SNX29: variants seen among roughly 807,000 people sequenced by gnomAD.
SNX29 encodes the protein sorting nexin 29.
Under a neutral mutation model 102.1 loss-of-function variants are expected in SNX29, and 78 were observed. That is an observed-to-expected ratio of 0.76 (90% CI 0.64 to 0.92). SNX29 has a LOEUF of 0.92. Among genes scored for constraint, SNX29 ranks in the 40% least tolerant of loss-of-function variants. The pLI is 0.00. For synonymous variants in SNX29, 580 were observed against 414.5 expected (o/e 1.40, Z -4.85); for missense variants, 1,280 against 1,061.7 (o/e 1.21, Z -2.86).
rs952215737 is a variant in SNX29, at chr16:12,570,315, G to A, written c.*1686G>A. 4.0e-6 allele frequency: 4 copies of A among 992,326 alleles called. No homozygotes were observed. The highest frequency in any genetic ancestry group is 1.7e-5 in the African/African-American group (1 of 59,716). The allele number at this position is 992,326 out of a possible 1,614,324, so 61.5% of individuals were successfully genotyped here. The stretch of plus-strand genomic sequence containing the variant: ...GAGTGTGGAGGACCCGAGACATCCT[G>A]TAAAGGCAACTTGGTCTCCCTCCCA... On this transcript the variant is annotated 3_prime_UTR_variant, in exon 21 of 21. Transcript: ENST00000566228.
In SNX29 at chr16:12,566,713, T is replaced by G. The variant is rs558089266; in HGVS notation, c.2319-1793T>G. On this transcript the variant is annotated intron_variant, in intron 20 of 20. Coordinates refer to ENST00000566228, the MANE Select transcript of SNX29 (RefSeq NM_032167.5). ...TTCGTAAGTGGGGTCCCCCATCCTT[T>G]GAAGAGAGGATCATGTTTGCTTTGG... 6.3e-4 allele frequency among the ~76,000 whole-genome samples: 96 copies of G among 152,080 alleles called. 1 individual carries two copies. The highest frequency in any genetic ancestry group is 2.2e-3 in the African/African-American group (91 of 41,476).
chr16:12,088,205 G>A (rs552731548), intron 11 of SNX29: 175 of 439,816 alleles, frequency 4.0e-4, no homozygotes, highest in Non-Finnish European at 6.9e-4. Context: ...GACAGGAGAG[G>A]CAGGAACAGA....
chr16:12,312,422 G>GT (rs1307966530), intron 15 of SNX29, among the ~76,000 whole-genome samples: 5 of 152,316 alleles, frequency 3.3e-5, no homozygotes, highest in Admixed American at 6.5e-5. Context: ...TGGGCCATTG[G>GT]TGAGAGTGAG....
intron 16 of SNX29, chr16:12,375,801 G>A (rs1271406253): frequency 6.6e-6 from 1 of 152,268 alleles, no homozygotes; most frequent in African/African-American, 2.4e-5. Context: ...GGGAGGCTAA[G>A]GTGGGGGTGC....
chr16:12,196,265 A>G (rs1447985832), intron 13 of SNX29, among the ~76,000 whole-genome samples: 1 of 152,002 alleles, frequency 6.6e-6, no homozygotes, highest in Non-Finnish European at 1.5e-5. Context: ...CCTGGTCTTC[A>G]GTTTTTTCAT....
At chr16:12,477,471 T>C (rs1244466610) in intron 18 of SNX29, among the ~76,000 whole-genome samples, 1 of 152,202 alleles carries the variant, frequency 6.6e-6, no homozygotes, top group Non-Finnish European at 1.5e-5. Flanking sequence ...GGATCTCTGT[T>C]GATGTTGGGA....
intron 1 of SNX29, among the ~76,000 whole-genome samples, chr16:11,978,963 C>G (rs370978870): frequency 2.3e-4 from 35 of 151,438 alleles, no homozygotes; most frequent in African/African-American, 8.5e-4. Context: ...AGAAAGAAAA[C>G]TTTAAAATTT....
chr16:12,181,846 C>T (rs1199870790), intron 13 of SNX29, among the ~76,000 whole-genome samples: 1 of 151,440 alleles, frequency 6.6e-6, no homozygotes, highest in African/African-American at 2.4e-5. Flanking sequence ...TACCTTGTCA[C>T]CTAGCGTTGT....
chr16:12,072,789 A>C (rs971073129), intron 10 of SNX29, among the ~76,000 whole-genome samples: 6 of 152,104 alleles, frequency 3.9e-5, no homozygotes, highest in African/African-American at 1.4e-4. Flanking sequence ...CTGTGAATCC[A>C]TCTGGTCCTG....
At chr16:12,542,927 A>G (rs953924988) in intron 20 of SNX29, among the ~76,000 whole-genome samples, 2 of 152,144 alleles carry the variant, frequency 1.3e-5, no homozygotes, top group African/African-American at 4.8e-5. Flanking sequence ...TAGCAAAACT[A>G]TAGAGCCCTA....
chr16:12,075,792 G>A (rs2051534215), intron 10 of SNX29, among the ~76,000 whole-genome samples: 1 of 152,240 alleles, frequency 6.6e-6, no homozygotes, highest in African/African-American at 2.4e-5. Context: ...AGGCAGGCAG[G>A]CCTCCTTGAG....
At chr16:12,106,185 A>T (rs1376806805) in intron 11 of SNX29, among the ~76,000 whole-genome samples, 1 of 152,178 alleles carries the variant, frequency 6.6e-6, no homozygotes, top group Non-Finnish European at 1.5e-5. Flanking sequence ...GTGTGGGCTG[A>T]GGGAGGGACT....
At chr16:12,538,872 GC>G (rs1248027743) in intron 20 of SNX29, among the ~76,000 whole-genome samples, 2 of 151,172 alleles carry the variant, frequency 1.3e-5, no homozygotes, top group Non-Finnish European at 2.9e-5. Context: ...GGTAGATGGG[GC>G]CATTTGTACA....
intron 15 of SNX29, among the ~76,000 whole-genome samples, chr16:12,307,075 CCT>C (rs1190702060): frequency 1.3e-5 from 2 of 151,726 alleles, no homozygotes; most frequent in East Asian, 1.9e-4. Context: ...CTCCTCTGAA[CCT>C]CTGTTTCCTT....
chr16:12,214,113 T>C (rs755211768), intron 14 of SNX29, among the ~76,000 whole-genome samples: 25 of 146,718 alleles, frequency 1.7e-4, no homozygotes, highest in Non-Finnish European at 3.2e-4. Context: ...AACGTTTTAT[T>C]TGTTCGACCT....
intron 11 of SNX29, among the ~76,000 whole-genome samples, chr16:12,113,613 C>G (rs2053579888): frequency 6.6e-6 from 1 of 152,204 alleles, no homozygotes; most frequent in Non-Finnish European, 1.5e-5. Context: ...GCTCCGCATC[C>G]TCATTATTTA....
Position 12,400,910 on chromosome 16 carries a change from C to G in SNX29, c.1955+2409C>G, listed in dbSNP as rs914495458. Among the ~76,000 whole-genome samples the G allele has an allele frequency of 3.9e-5, 6 of 152,312 alleles. No individual in the cohort carries two copies. The South Asian group carries it at 6.2e-4, about 16-fold the overall frequency. On this transcript the variant is annotated intron_variant, in intron 17 of 20. Transcript: ENST00000566228. ...CTATCTCTGCTCACTGCAAGCTCCGCCTCCTGGGTTCATGCCATTCTCCTG... is the reference window on the plus strand; with the variant it reads ...CTATCTCTGCTCACTGCAAGCTCCGGCTCCTGGGTTCATGCCATTCTCCTG...
intron 15 of SNX29, among the ~76,000 whole-genome samples, chr16:12,351,921 C>T (rs934980684): frequency 3.5e-4 from 54 of 152,176 alleles, no homozygotes; most frequent in African/African-American, 1.2e-3. Context: ...AAGGGAACAG[C>T]GGGCAGGGGA....
chr16:12,130,679 T>G (rs900321462), intron 13 of SNX29, among the ~76,000 whole-genome samples: 1 of 152,030 alleles, frequency 6.6e-6, no homozygotes, highest in Non-Finnish European at 1.5e-5. Flanking sequence ...AGATATTCCC[T>G]GTACACACAA....
Sources: allele counts gnomAD v4.1 joint callset (sites outside exome capture counted in the v4.1 genomes callset), GRCh38; gene constraint gnomAD v4.1.1; transcripts MANE v1.5; gene names NCBI Gene and HGNC (gene_info 2026-07-23, HGNC 2026-07-21).